Variants in F5 observed in about 807,000 individuals in gnomAD.
F5 encodes the protein coagulation factor V, also known as activated protein c cofactor.
A neutral mutation model predicts 216.4 loss-of-function variants in F5; 138 were observed. That is an observed-to-expected ratio of 0.64 (90% CI 0.56 to 0.73). The LOEUF (loss-of-function observed/expected upper bound fraction) is 0.73. Among genes scored for constraint, F5 ranks in the 30% least tolerant of loss-of-function variants. The pLI, the probability that F5 is intolerant of heterozygous loss-of-function variation, is 0.00. For synonymous variants in F5, 916 were observed against 930.7 expected (o/e 0.98, Z 0.29); for missense variants, 2,403 against 2,674.0 (o/e 0.90, Z 2.24).
Position 169,542,948 on chromosome 1 carries a change from T to C in F5, c.2142A>G (p.Glu714=), listed in dbSNP as rs59779968. ...CAGCATCACTCTCTTCATCTTCAGGTTCTAAACGATCATGCATTTTCCGTG... is the reference window on the plus strand; with the variant it reads ...CAGCATCACTCTCTTCATCTTCAGGCTCTAAACGATCATGCATTTTCCGTG... ...MATRKMHDRL[E]PEDEESDADY... is the part of the protein sequence containing the mutation. The change falls in exon 13 of 25, where the codon GAA becomes GAG. Residue 714 remains glutamate, a synonymous_variant. Transcript: ENST00000367797. The C allele has an allele frequency of 3.2e-4, 513 of 1,614,100 alleles. 2 individuals carry two copies. In the African/African-American group the frequency reaches 5.5e-3, roughly 17 times the overall value.
At chr1:169,579,434 T>C (rs749721049) in intron 2 of F5, among the ~76,000 whole-genome samples, 13 of 152,212 alleles carry the variant, frequency 8.5e-5, no homozygotes, top group Non-Finnish European at 1.8e-4. Context: ...TTTGCCATCT[T>C]TGTTCTGATG....
chr1:169,523,389 TGTCAACAA>T, intron 20 of F5, 37 bp from the exon 21 acceptor site: 1 of 1,612,384 alleles, frequency 6.2e-7, no homozygotes, highest in Non-Finnish European at 8.5e-7. Flanking sequence ...GAACTGTCCT[TGTCAACAA>T]GTCACACACT....
intron 13 of F5, 50 bp from the exon 14 acceptor site, chr1:169,536,730 C>A: frequency 1.4e-6 from 2 of 1,477,254 alleles, no homozygotes; most frequent in Admixed American, 1.7e-5. Context: ...AGACTGTTCC[C>A]AGAATTTAGG....
intron 2 of F5, among the ~76,000 whole-genome samples, chr1:169,580,343 G>T (rs1353342468): frequency 6.6e-6 from 1 of 151,848 alleles, no homozygotes; most frequent in Admixed American, 6.6e-5. Flanking sequence ...CCAGAGCCTA[G>T]AATGTAGTAG....
At chr1:169,562,404 A>G (rs1034901888) in intron 3 of F5, among the ~76,000 whole-genome samples, 9 of 141,318 alleles carry the variant, frequency 6.4e-5, no homozygotes, top group African/African-American at 2.2e-4. Flanking sequence ...CATACAGTTT[A>G]GCATTGCTTT....
At chr1:169,563,495 C>G (rs1276606882) in intron 3 of F5, among the ~76,000 whole-genome samples, 4 of 152,074 alleles carry the variant, frequency 2.6e-5, no homozygotes, top group Non-Finnish European at 5.9e-5. Context: ...ATGCTCTGTT[C>G]ACTTTCTTCA....
chr1:169,542,849 T>C lies in F5; in HGVS notation c.2241A>G (p.Glu747=), dbSNP rs772005742. The change falls in exon 13 of 25, where the codon GAA becomes GAG. Residue 747 remains glutamate (E), a synonymous_variant. Coordinates refer to ENST00000367797, the MANE Select transcript of F5 (RefSeq NM_000130.5). The part of the protein sequence containing the change: ...RSFRNSSLNQ[E]EEEFNLTALA... ...GGGCAGTAAGATTGAACTCTTCTTCTTCCTGATTCAATGATGAGTTTCGGA... is the reference window on the plus strand; with the variant it reads ...GGGCAGTAAGATTGAACTCTTCTTCCTCCTGATTCAATGATGAGTTTCGGA... 6.2e-7 allele frequency: 1 copy of C among 1,614,068 alleles called. No individual in the cohort carries two copies. The highest frequency in any genetic ancestry group is 8.5e-7 in the Non-Finnish European group (1 of 1,180,000).
chr1:169,524,919 CAG>C lies in F5; in HGVS notation c.5717-13_5717-12del, dbSNP rs767882671. 1.9e-6 allele frequency: 3 copies of C among 1,606,070 alleles called. No homozygotes were observed. Among genetic ancestry groups the C allele is most frequent in the East Asian group, 4.5e-5 (2 of 44,756 alleles). ...TTGGCATCCTACAGTCTATGAAAAA[CAG>C]AAAAAAAATGAATAATTTTTGCTTA... On this transcript the variant is annotated splice_polypyrimidine_tract_variant and intron_variant, in intron 18 of 24. Coordinates refer to ENST00000367797, the MANE Select transcript of F5 (RefSeq NM_000130.5).
rs1334042487 is a variant in F5 at position 169,518,464 on chromosome 1, G to C, written c.6293C>G (p.Pro2098Arg). Residue 2098 changes from proline (P) to arginine (R), a missense_variant, in exon 23 of 25, where the codon CCC becomes CGC. This residue lies in a region of F5 where 659 missense variants were observed against 787.9 expected (regional missense o/e 0.84). Transcript: ENST00000367797. ...KKSWWGDYWE[P>R]FRARLNAQGR... ...CTGGGCATTCAGACGGGCACGGAAG[G>C]GTTCCCAGTAATCTCCCCACCAAGA... The C allele has an allele frequency of 6.2e-7, 1 of 1,613,768 alleles. No homozygotes were observed. The highest frequency in any genetic ancestry group is 8.5e-7 in the Non-Finnish European group (1 of 1,179,812).
chr1:169,570,955 A>C lies in F5; in HGVS notation c.373+1266T>G, dbSNP rs997960977. On this transcript the variant is annotated intron_variant, in intron 3 of 24. Coordinates refer to ENST00000367797, the MANE Select transcript of F5 (RefSeq NM_000130.5). ...TAAAAGTCACTGAGCCAGGATTTGC[A>C]CTTATTAGTCTAGTTCTAAAACCTG... 7.9e-5 allele frequency among the ~76,000 whole-genome samples: 12 copies of C among 152,266 alleles called. No homozygotes were observed. The South Asian group carries it at 8.3e-4, about 11-fold the overall frequency.
intron 19 of F5, 40 bp from the exon 20 acceptor site, chr1:169,523,944 T>A (rs1659370507): frequency 5.2e-6 from 8 of 1,546,288 alleles, no homozygotes; most frequent in African/African-American, 1.4e-5. Context: ...CTGAATTTTT[T>A]AAAAACCCAG....
intron 3 of F5, among the ~76,000 whole-genome samples, chr1:169,564,139 A>G (rs1660546531): frequency 1.3e-5 from 2 of 152,042 alleles, no homozygotes; most frequent in Admixed American, 1.3e-4. Flanking sequence ...AGGTCTTTCT[A>G]TGTTTGATGG....
At position 169,546,431 on chromosome 1, in the gene F5, C is replaced by G; in HGVS notation, c.1762+11G>C. The G allele has an allele frequency of 6.2e-7, 1 of 1,614,002 alleles. No individual in the cohort carries two copies. Among genetic ancestry groups the G allele is most frequent in the Non-Finnish European group, 8.5e-7 (1 of 1,179,940 alleles). On this transcript the variant is annotated intron_variant, in intron 11 of 24. Transcript: ENST00000367797. Reference sequence around the variant, plus strand: ...GAAAAACTGATGAACAAAAATAGTACTCTGACTTACTGCTCATGATGTTTG... The same window carrying G: ...GAAAAACTGATGAACAAAAATAGTAGTCTGACTTACTGCTCATGATGTTTG...
intron 21 of F5, among the ~76,000 whole-genome samples, chr1:169,522,498 A>G (rs1051174721): frequency 6.6e-6 from 1 of 152,174 alleles, no homozygotes; most frequent in African/African-American, 2.4e-5. Flanking sequence ...TAGGATTTCA[A>G]TGGTTCTGAG....
In F5 at chr1:169,523,196, C is replaced by A. The variant is rs1334901179; in HGVS notation, c.6048+1G>T. 1 of 1,613,998 alleles carries A rather than the reference C, an allele frequency of 6.2e-7. No homozygotes were observed. Among genetic ancestry groups the A allele is most frequent in the Non-Finnish European group, 8.5e-7 (1 of 1,179,920 alleles). ...ATTCAGATAGAAATATGCACACAAA[C>A]CATCACATTCCTTGTGCTGTTCCCT... On this transcript the variant is annotated splice_donor_variant, in intron 21 of 24. Coordinates refer to ENST00000367797, the MANE Select transcript of F5 (RefSeq NM_000130.5). LOFTEE classifies it high-confidence loss of function.
At chr1:169,584,532 AC>A (rs1430361204) in intron 1 of F5, among the ~76,000 whole-genome samples, 1 of 152,232 alleles carries the variant, frequency 6.6e-6, no homozygotes, top group African/African-American at 2.4e-5. Context: ...GATACATTTT[AC>A]CTTTAAAAGG....
At chr1:169,516,770 T>C (rs1361987664) in intron 23 of F5, among the ~76,000 whole-genome samples, 2 of 152,184 alleles carry the variant, frequency 1.3e-5, no homozygotes, top group African/African-American at 4.8e-5. Flanking sequence ...TCAACCTCTC[T>C]AAAGAGACCA....
At position 169,555,062 on chromosome 1, in the gene F5, A is replaced by G. The variant is rs552799360; in HGVS notation, c.1118+120T>C. The G allele has an allele frequency of 2.4e-4, 267 of 1,126,836 alleles. 1 individual carries two copies. Among genetic ancestry groups the G allele is most frequent in the Middle Eastern group, 2.3e-3 (8 of 3,500 alleles). The allele number at this position is 1,126,836 out of a possible 1,614,324, so 69.8% of individuals were successfully genotyped here. On this transcript the variant is annotated intron_variant, in intron 7 of 24. Coordinates refer to ENST00000367797, the MANE Select transcript of F5 (RefSeq NM_000130.5). ...GATTAATTTTTACAAAAAGACTTGA[A>G]TAGAAACCAATACATGTGTCCCCTT...
intron 7 of F5, among the ~76,000 whole-genome samples, chr1:169,554,188 G>A (rs1260665261): frequency 1.2e-5 from 1 of 84,488 alleles, no homozygotes; most frequent in Non-Finnish European, 3.0e-5. Flanking sequence ...GAATTTTCTA[G>A]GTAGCCATAT....
Sources: allele counts gnomAD v4.1 joint callset (sites outside exome capture counted in the v4.1 genomes callset), GRCh38; gene constraint gnomAD v4.1.1; regional missense constraint gnomAD v4.1.1; transcripts MANE v1.5; gene names NCBI Gene and HGNC (gene_info 2026-07-23, HGNC 2026-07-21).